IFT88: variants seen among roughly 807,000 people sequenced by gnomAD.
IFT88 encodes intraflagellar transport protein 88 homolog.
IFT88 carries 74 observed loss-of-function variants against 119.5 expected under a neutral mutation model. The ratio of observed to expected loss-of-function variants is 0.62; its 90% CI spans 0.51 to 0.75. The LOEUF (loss-of-function observed/expected upper bound fraction) is 0.75. Among genes scored for constraint, IFT88 ranks in the 30% least tolerant of loss-of-function variants. The pLI, the probability that IFT88 is intolerant of heterozygous loss-of-function variation, is 0.00. For missense variants in IFT88, 961 were observed against 977.7 expected (o/e 0.98, Z 0.23); for synonymous variants, 279 against 316.7 (o/e 0.88, Z 1.26).
chr13:20,659,245 A>G (rs2053396548), intron 22 of IFT88, among the ~76,000 whole-genome samples: 1 of 152,192 alleles, frequency 6.6e-6, no homozygotes, highest in Non-Finnish European at 1.5e-5. Context: ...TGTAATCTCC[A>G]CACTTTGGGA....
intron 20 of IFT88, among the ~76,000 whole-genome samples, chr13:20,646,951 G>A (rs878932488): frequency 2.6e-5 from 4 of 151,738 alleles, no homozygotes; most frequent in Admixed American, 2.6e-4. Flanking sequence ...CCTTTACACA[G>A]GCTGTGAAAT....
rs553845748 is a variant in IFT88, at chr13:20,678,111, G to A, written c.2242+7072G>A. On this transcript the variant is annotated intron_variant, in intron 24 of 25. Coordinates refer to ENST00000351808, the MANE Select transcript of IFT88 (RefSeq NM_006531.5). ...TTAAAGAAAGCAGTCTCAGTGTACT[G>A]TTAGAGGTAAAAGTCAGATTCTAAT... 7.2e-5 allele frequency among the ~76,000 whole-genome samples: 11 copies of A among 152,310 alleles called. No individual in the cohort carries two copies. In the South Asian group the frequency reaches 2.3e-3, roughly 32 times the overall value.
At chr13:20,619,698 C>T (rs1022541172) in intron 14 of IFT88, among the ~76,000 whole-genome samples, 4 of 151,862 alleles carry the variant, frequency 2.6e-5, no homozygotes, top group African/African-American at 9.7e-5. Flanking sequence ...TTGTGCACAT[C>T]TCTTGGTGGG....
intron 24 of IFT88, among the ~76,000 whole-genome samples, chr13:20,687,034 A>C (rs7335070): frequency 1.4e-4 from 18 of 132,494 alleles, no homozygotes; most frequent in African/African-American, 3.6e-4. Context: ...AAAAAAAAAA[A>C]AAAAAAAAAA....
chr13:20,620,597 T>C (rs1348829167), intron 14 of IFT88, among the ~76,000 whole-genome samples: 2 of 152,152 alleles, frequency 1.3e-5, no homozygotes, highest in East Asian at 3.9e-4. Context: ...GACGGAGTCT[T>C]ACTCTGTCGC....
chr13:20,656,528 T>C (rs1044458405), intron 22 of IFT88, 98 bp downstream of exon 22: 8 of 451,278 alleles, frequency 1.8e-5, no homozygotes, highest in Admixed American at 1.7e-4. Flanking sequence ...TATACGTAAA[T>C]ACCAACCTAT....
rs1403595612 is a variant in IFT88, at chr13:20,674,735, T to TG, written c.2242+3696_2242+3697insG. Among the ~76,000 whole-genome samples the TG allele has an allele frequency of 9.6e-4, 136 of 141,230 alleles. 2 individuals carry two copies. Among genetic ancestry groups the TG allele is most frequent in the South Asian group, 3.7e-3 (16 of 4,318 alleles). 92.7% of individuals were successfully genotyped at this position (141,230 alleles called of 152,430 possible). ...ATATATATATATATATTTTTTTTTT[T>TG]TTTTTTTTTTGAGACAGAGTCTTGC... is the stretch of plus-strand genomic sequence containing the variant. On this transcript the variant is annotated intron_variant, in intron 24 of 25. Transcript: ENST00000351808.
At chr13:20,686,362 G>A (rs564381378) in intron 24 of IFT88, among the ~76,000 whole-genome samples, 8 of 152,170 alleles carry the variant, frequency 5.3e-5, no homozygotes, top group Non-Finnish European at 1.0e-4. Flanking sequence ...TTTAAAATGT[G>A]TTATAGGTAT....
chr13:20,672,588 A>G (rs2056073081), intron 24 of IFT88, among the ~76,000 whole-genome samples: 1 of 152,198 alleles, frequency 6.6e-6, no homozygotes, highest in South Asian at 2.1e-4. Flanking sequence ...CTTAAGCCAG[A>G]GGCAGCCATA....
chr13:20,596,074 A>ATAAAG (rs2041591467), intron 7 of IFT88, 76 bp from the exon 8 acceptor site: 1 of 385,142 alleles, frequency 2.6e-6, no homozygotes, highest in Non-Finnish European at 4.4e-6. Flanking sequence ...ATAAAATAAA[A>ATAAAG]TAAAATAAAA....
At chr13:20,626,159 C>T (rs528958591) in intron 15 of IFT88, among the ~76,000 whole-genome samples, 1 of 137,186 alleles carries the variant, frequency 7.3e-6, no homozygotes, top group East Asian at 2.3e-4. Flanking sequence ...CTCCCGGGTT[C>T]ACACCATTCT....
At chr13:20,605,609 A>G (rs2043298778) in intron 13 of IFT88, among the ~76,000 whole-genome samples, 1 of 152,156 alleles carries the variant, frequency 6.6e-6, no homozygotes, top group Non-Finnish European at 1.5e-5. Context: ...TTCTCACACC[A>G]ACAACCAATT....
At chr13:20,593,263 C>T (rs1008174174) in intron 7 of IFT88, among the ~76,000 whole-genome samples, 3 of 152,134 alleles carry the variant, frequency 2.0e-5, no homozygotes, top group Non-Finnish European at 4.4e-5. Flanking sequence ...GTAATAAAAG[C>T]TAACATTAAC....
chr13:20,668,910 G>A (rs2055260699), intron 23 of IFT88, among the ~76,000 whole-genome samples: 2 of 152,218 alleles, frequency 1.3e-5, no homozygotes, highest in South Asian at 2.1e-4. Context: ...AAAAAGTGGT[G>A]TCTACGAGAA....
At chr13:20,577,380 G>A (rs531068368) in intron 2 of IFT88, among the ~76,000 whole-genome samples, 6 of 152,226 alleles carry the variant, frequency 3.9e-5, no homozygotes, top group African/African-American at 7.2e-5. Flanking sequence ...GCACTAGCTA[G>A]GATTTCCAGT....
intron 2 of IFT88, among the ~76,000 whole-genome samples, chr13:20,580,729 T>TC (rs1201890626): frequency 6.9e-6 from 1 of 145,738 alleles, no homozygotes; most frequent in Non-Finnish European, 1.5e-5. Flanking sequence ...TTTTTCTTTT[T>TC]TTTTTTTTTT....
intron 14 of IFT88, among the ~76,000 whole-genome samples, chr13:20,617,580 G>A (rs2045837212): frequency 6.6e-6 from 1 of 152,178 alleles, no homozygotes; most frequent in Non-Finnish European, 1.5e-5. Flanking sequence ...GGATGGAAAT[G>A]AAGTTGGGCC....
chr13:20,667,200 G>C (rs983826813), intron 23 of IFT88, among the ~76,000 whole-genome samples: 1 of 152,182 alleles, frequency 6.6e-6, no homozygotes, highest in African/African-American at 2.4e-5. Context: ...AAAGTGATAA[G>C]AATTTCTGTG....
rs1428619254 is a variant in IFT88, at chr13:20,641,279, C to CT, written c.1574-4dup. 2.6e-6 allele frequency: 4 copies of CT among 1,514,536 alleles called. No individual in the cohort carries two copies. The highest frequency in any genetic ancestry group is 2.8e-5 in the African/African-American group (2 of 71,454). 93.8% of individuals were successfully genotyped at this position (1,514,536 alleles called of 1,614,324 possible). On this transcript the variant is annotated splice_polypyrimidine_tract_variant and intron_variant, in intron 17 of 25. Transcript: ENST00000351808. ...ACTTATAGATTTTCTTTTTTTTCTTCTTTTTTTAAGGCCTTACCTATGAGA... is the reference window on the plus strand; with the variant it reads ...ACTTATAGATTTTCTTTTTTTTCTTCTTTTTTTTAAGGCCTTACCTATGAGA...
Sources: allele counts gnomAD v4.1 joint callset (sites outside exome capture counted in the v4.1 genomes callset), GRCh38; gene constraint gnomAD v4.1.1; transcripts MANE v1.5; gene names NCBI Gene and HGNC (gene_info 2026-07-23, HGNC 2026-07-21).